BTBD9: variants seen among roughly 807,000 people sequenced by gnomAD.
BTBD9 encodes BTB/POZ domain-containing protein 9.
A neutral mutation model predicts 64.3 loss-of-function variants in BTBD9; 49 were observed. The ratio of observed to expected loss-of-function variants is 0.76; its 90% CI spans 0.61 to 0.97. BTBD9 has a LOEUF of 0.97. Among genes scored for constraint, BTBD9 ranks in the 50% least tolerant of loss-of-function variants. BTBD9 has a pLI of 0.00. For missense variants in BTBD9, 598 were observed against 762.1 expected, an observed-to-expected ratio of 0.78 and a Z score of 2.53; for synonymous variants, 260 against 274.7, an observed-to-expected ratio of 0.95 and a Z score of 0.53.
intron 6 of BTBD9, among the ~76,000 whole-genome samples, chr6:38,510,415 A>G (rs561521211): frequency 6.6e-6 from 1 of 152,352 alleles, no homozygotes; most frequent in African/African-American, 2.4e-5. Flanking sequence ...TAGGTGAGTC[A>G]GCGAGTGAGT....
chr6:38,355,984 T>C (rs1175281790), intron 6 of BTBD9, among the ~76,000 whole-genome samples: 3 of 152,230 alleles, frequency 2.0e-5, no homozygotes, highest in Non-Finnish European at 2.9e-5. Context: ...AAGTTGGAAA[T>C]AGATTTCCTT....
chr6:38,537,542 G>C (rs1774075137), intron 6 of BTBD9, among the ~76,000 whole-genome samples: 1 of 152,170 alleles, frequency 6.6e-6, no homozygotes, highest in African/African-American at 2.4e-5. Context: ...TAACACAAGG[G>C]CAAGCATATC....
At chr6:38,587,270 C>A in intron 4 of BTBD9, 1 of 332,470 alleles carries the variant, frequency 3.0e-6, no homozygotes. Context: ...GTGGTGGCCT[C>A]CACAAGCCCT....
At chr6:38,504,468 G>T in intron 6 of BTBD9, 1 of 444,116 alleles carries the variant, frequency 2.3e-6, no homozygotes, top group South Asian at 1.6e-5. Context: ...TCCCTCTACT[G>T]AACTTTAGAC....
chr6:38,560,099 G>A lies in BTBD9; in HGVS notation c.1154+17501C>T, dbSNP rs113434796. Among the ~76,000 whole-genome samples, 812 of 152,192 alleles carry A rather than the reference G, an allele frequency of 5.3e-3. 17 individuals carry two copies. Among genetic ancestry groups the A allele is most frequent in the African/African-American group, 0.019 (779 of 41,532 alleles). On this transcript the variant is annotated intron_variant, in intron 6 of 10. Transcript: ENST00000481247. ...TAGGACCTAATTAAACTAAAGTTTT[G>A]CACAGCAAAAGAAACTATCAACAGA...
intron 6 of BTBD9, among the ~76,000 whole-genome samples, chr6:38,576,489 T>A (rs1161356105): frequency 6.6e-6 from 1 of 152,232 alleles, no homozygotes; most frequent in Non-Finnish European, 1.5e-5. Context: ...TACCAGAGGC[T>A]GAACGGTTTT....
chr6:38,179,929 T>C lies in BTBD9; in HGVS notation c.1642-4747A>G, dbSNP rs530479928. On this transcript the variant is annotated intron_variant, in intron 10 of 10. Transcript: ENST00000481247. Reference sequence around the variant, plus strand: ...CCAGGCAAAGGGAACGAGGAGAAGATTTCCACATAAAGATCTGGGCCTTGG... The same window carrying C: ...CCAGGCAAAGGGAACGAGGAGAAGACTTCCACATAAAGATCTGGGCCTTGG... 2.2e-3 allele frequency: 926 copies of C among 424,126 alleles called. 21 individuals carry two copies. In the Admixed American group the frequency reaches 0.022, roughly 10 times the overall value. The allele number at this position is 424,126 out of a possible 1,614,324, so 26.3% of individuals were successfully genotyped here. A position where few individuals can be genotyped will look rare whatever the true frequency, so the allele number is the denominator to read the frequency against.
At chr6:38,238,050 C>T (rs1374485832) in intron 9 of BTBD9, among the ~76,000 whole-genome samples, 1 of 152,176 alleles carries the variant, frequency 6.6e-6, no homozygotes, top group Non-Finnish European at 1.5e-5. Context: ...GAGATGGAAG[C>T]AGGAGGATTG....
chr6:38,392,834 T>C (rs1269104569), intron 6 of BTBD9, among the ~76,000 whole-genome samples: 1 of 151,838 alleles, frequency 6.6e-6, no homozygotes, highest in Non-Finnish European at 1.5e-5. Flanking sequence ...AAGGCAATGA[T>C]TTTTAAAATT....
intron 6 of BTBD9, among the ~76,000 whole-genome samples, chr6:38,554,409 A>G (rs1774933799): frequency 6.6e-6 from 1 of 152,242 alleles, no homozygotes; most frequent in Non-Finnish European, 1.5e-5. Context: ...GCCACTTTAA[A>G]TCAAGCACTT....
chr6:38,261,509 C>T (rs1013365265), intron 8 of BTBD9, among the ~76,000 whole-genome samples: 1 of 152,108 alleles, frequency 6.6e-6, no homozygotes, highest in African/African-American at 2.4e-5. Flanking sequence ...GCTGAAATAT[C>T]TTATTAATCT....
chr6:38,585,093 C>T lies in BTBD9; in HGVS notation c.815-4656G>A, dbSNP rs142825932. Reference sequence around the variant, plus strand: ...CCTAGGGTGCTTCCTATGTGCTGCTCACTGTACTAGACTCAGCCCTCCCGA... The same window carrying T: ...CCTAGGGTGCTTCCTATGTGCTGCTTACTGTACTAGACTCAGCCCTCCCGA... On this transcript the variant is annotated intron_variant, in intron 4 of 10. Coordinates refer to ENST00000481247, the MANE Select transcript of BTBD9 (RefSeq NM_001099272.2). Among the ~76,000 whole-genome samples, 136 of 152,118 alleles carry T rather than the reference C, an allele frequency of 8.9e-4. 1 individual carries two copies. Among genetic ancestry groups the T allele is most frequent in the African/African-American group, 3.0e-3 (124 of 41,490 alleles).
intron 10 of BTBD9, among the ~76,000 whole-genome samples, chr6:38,191,473 T>A (rs989105518): frequency 1.3e-5 from 2 of 152,188 alleles, no homozygotes; most frequent in Non-Finnish European, 2.9e-5. Context: ...GCTGTCACGC[T>A]GGTTATTATT....
chr6:38,521,009 T>C (rs898876779), intron 6 of BTBD9, among the ~76,000 whole-genome samples: 2 of 151,950 alleles, frequency 1.3e-5, no homozygotes, highest in Admixed American at 1.3e-4. Flanking sequence ...CCACCATAAA[T>C]GATCTAAATA....
intron 7 of BTBD9, among the ~76,000 whole-genome samples, chr6:38,319,953 G>A (rs979061618): frequency 2.0e-5 from 3 of 152,132 alleles, no homozygotes; most frequent in Admixed American, 6.5e-5. Flanking sequence ...GAGGCATGCC[G>A]AAACTCAAGT....
chr6:38,328,163 C>A (rs1262705265), intron 7 of BTBD9, among the ~76,000 whole-genome samples: 1 of 152,164 alleles, frequency 6.6e-6, no homozygotes, highest in Non-Finnish European at 1.5e-5. Flanking sequence ...ACCCAATAAT[C>A]TCTGGTAATC....
At chr6:38,591,740 C>A (rs1032518410) in intron 4 of BTBD9, among the ~76,000 whole-genome samples, 4 of 152,064 alleles carry the variant, frequency 2.6e-5, no homozygotes, top group African/African-American at 7.2e-5. Context: ...AGGACCTGTT[C>A]TTGATACATA....
At chr6:38,331,242 G>A (rs1763665202) in intron 7 of BTBD9, among the ~76,000 whole-genome samples, 1 of 152,232 alleles carries the variant, frequency 6.6e-6, no homozygotes, top group Admixed American at 6.5e-5. Context: ...CACTTCGGGA[G>A]ACCGAGGTAG....
chr6:38,584,489 TAGCTA>T (rs1431395466), intron 4 of BTBD9, among the ~76,000 whole-genome samples: 3 of 152,216 alleles, frequency 2.0e-5, no homozygotes, highest in Non-Finnish European at 4.4e-5. Context: ...AATGTACCCC[TAGCTA>T]CACAGTGCCA....
Sources: allele counts gnomAD v4.1 joint callset (sites outside exome capture counted in the v4.1 genomes callset), GRCh38; gene constraint gnomAD v4.1.1; transcripts MANE v1.5; gene names NCBI Gene and HGNC (gene_info 2026-07-23, HGNC 2026-07-21).